The following CHSY3 variants were observed in gnomAD, a reference collection of about 807,000 sequenced individuals.
CHSY3 encodes the protein chondroitin sulfate synthase 3.
Under a neutral mutation model 67.2 loss-of-function variants are expected in CHSY3, and 35 were observed. The observed-to-expected ratio is 0.52, with a 90% confidence interval of 0.40 to 0.69. The LOEUF (loss-of-function observed/expected upper bound fraction) is 0.69, where lower values mean the gene tolerates loss of function less well. Among genes scored for constraint, CHSY3 ranks in the 30% least tolerant of loss-of-function variants. CHSY3 has a pLI of 0.00. For missense variants in CHSY3, 1,069 were observed against 1,138.5 expected, an observed-to-expected ratio of 0.94 and a Z score of 0.88; for synonymous variants, 474 against 434.7, an observed-to-expected ratio of 1.09 and a Z score of -1.12.
At chr5:129,916,909 A>G (rs956018498) in intron 2 of CHSY3, among the ~76,000 whole-genome samples, 1 of 152,076 alleles carries the variant, frequency 6.6e-6, no homozygotes, top group Non-Finnish European at 1.5e-5. Flanking sequence ...GTCATGAAAT[A>G]TCTCTAGTTG....
At chr5:129,968,249 A>T (rs1039523731) in intron 2 of CHSY3, among the ~76,000 whole-genome samples, 4 of 151,816 alleles carry the variant, frequency 2.6e-5, no homozygotes, top group Non-Finnish European at 4.4e-5. Context: ...ATGAACTTGC[A>T]ATTAACTTTA....
intron 2 of CHSY3, among the ~76,000 whole-genome samples, chr5:130,179,991 C>G (rs1331084195): frequency 6.6e-6 from 1 of 152,194 alleles, no homozygotes; most frequent in Non-Finnish European, 1.5e-5. Context: ...TTTTCTACTT[C>G]TCTGAAACCA....
chr5:130,059,595 T>A (rs1270834458), intron 2 of CHSY3, among the ~76,000 whole-genome samples: 1 of 152,132 alleles, frequency 6.6e-6, no homozygotes, highest in Non-Finnish European at 1.5e-5. Context: ...AAAAACTCTT[T>A]ATCTATCTGA....
chr5:130,140,660 G>T, intron 2 of CHSY3: 1 of 354,110 alleles, frequency 2.8e-6, no homozygotes, highest in Non-Finnish European at 5.1e-6. Flanking sequence ...TGTTTAGAAT[G>T]GAATCTCTGA....
intron 2 of CHSY3, among the ~76,000 whole-genome samples, chr5:130,053,403 G>T (rs1765428834): frequency 6.6e-6 from 1 of 152,088 alleles, no homozygotes; most frequent in South Asian, 2.1e-4. Context: ...TGAATTGGAG[G>T]TGGGAAGCCC....
At chr5:130,128,991 T>C (rs543150468) in intron 2 of CHSY3, among the ~76,000 whole-genome samples, 12 of 152,126 alleles carry the variant, frequency 7.9e-5, no homozygotes, top group South Asian at 4.2e-4. Flanking sequence ...GTTATGGCTA[T>C]TGTAGTTAGC....
intron 2 of CHSY3, among the ~76,000 whole-genome samples, chr5:130,167,932 C>G (rs533068857): frequency 3.3e-5 from 5 of 152,158 alleles, no homozygotes; most frequent in Admixed American, 1.3e-4. Flanking sequence ...AATCCAATAT[C>G]AGACTGGGAA....
chr5:130,099,191 G>A (rs181646241), intron 2 of CHSY3, among the ~76,000 whole-genome samples: 3 of 152,334 alleles, frequency 2.0e-5, no homozygotes, highest in Admixed American at 6.5e-5. Flanking sequence ...CTCTGCTAAT[G>A]TTTATTTGGT....
chr5:129,948,503 T>A (rs761872335), intron 2 of CHSY3, among the ~76,000 whole-genome samples: 3 of 152,244 alleles, frequency 2.0e-5, no homozygotes, highest in Non-Finnish European at 2.9e-5. Flanking sequence ...TCACTGTTAC[T>A]GTGAATGCCA....
intron 2 of CHSY3, among the ~76,000 whole-genome samples, chr5:129,993,406 A>G (rs1763429445): frequency 6.6e-6 from 1 of 152,248 alleles, no homozygotes; most frequent in African/African-American, 2.4e-5. Context: ...TATTGGGTGC[A>G]TATATATTTA....
At chr5:129,977,315 G>A (rs1464178168) in intron 2 of CHSY3, among the ~76,000 whole-genome samples, 1 of 152,098 alleles carries the variant, frequency 6.6e-6, no homozygotes, top group East Asian at 1.9e-4. Flanking sequence ...CTGATTAGCA[G>A]CACAATTATA....
chr5:130,169,881 C>T (rs888649863), intron 2 of CHSY3, among the ~76,000 whole-genome samples: 5 of 152,046 alleles, frequency 3.3e-5, no homozygotes, highest in South Asian at 2.1e-4. Flanking sequence ...TGACATCATA[C>T]ACTCATATTT....
chr5:129,970,709 A>C (rs1447261150), intron 2 of CHSY3, among the ~76,000 whole-genome samples: 2 of 151,752 alleles, frequency 1.3e-5, no homozygotes, highest in Non-Finnish European at 2.9e-5. Flanking sequence ...TAACTGCATA[A>C]TTTTTCTCAT....
chr5:130,160,621 G>C (rs1769502131), intron 2 of CHSY3, among the ~76,000 whole-genome samples: 1 of 152,182 alleles, frequency 6.6e-6, no homozygotes, highest in South Asian at 2.1e-4. Flanking sequence ...TATTCTCACA[G>C]AGGGGAAGAG....
chr5:130,036,171 T>G (rs1764857854), intron 2 of CHSY3, among the ~76,000 whole-genome samples: 1 of 152,104 alleles, frequency 6.6e-6, no homozygotes, highest in Non-Finnish European at 1.5e-5. Context: ...CTGTCTTTCC[T>G]GGACATGATA....
In CHSY3 at chr5:130,178,255, T is replaced by TATA. The variant is rs1580803415; in HGVS notation, c.1087-5974_1087-5973insATA. Among the ~76,000 whole-genome samples the TATA allele has an allele frequency of 2.9e-3, 106 of 36,150 alleles. 1 individual carries two copies. The highest frequency in any genetic ancestry group is 1.0e-2 in the East Asian group (11 of 1,104). 23.7% of individuals were successfully genotyped at this position (36,150 alleles called of 152,430 possible). ...TATATATATATATATATATATATAT[T>TATA]TTTTTTTTTTTTTTTCCTGAGACGG... On this transcript the variant is annotated intron_variant, in intron 2 of 2. Coordinates refer to ENST00000305031, the MANE Select transcript of CHSY3 (RefSeq NM_175856.5).
intron 2 of CHSY3, chr5:130,141,265 A>G (rs113107874): frequency 6.3e-5 from 29 of 457,076 alleles, no homozygotes; most frequent in African/African-American, 3.3e-4. Context: ...GTCCTCATTA[A>G]GCATAATCCC....
intron 2 of CHSY3, among the ~76,000 whole-genome samples, chr5:129,954,488 A>C (rs1405665621): frequency 2.0e-5 from 3 of 151,508 alleles, no homozygotes; most frequent in Non-Finnish European, 4.4e-5. Context: ...TCCATATGAA[A>C]TTTAAAGTAG....
intron 2 of CHSY3, among the ~76,000 whole-genome samples, chr5:130,083,679 C>T (rs1446502325): frequency 1.3e-5 from 2 of 151,952 alleles, no homozygotes; most frequent in Non-Finnish European, 2.9e-5. Flanking sequence ...AGCAAGCTTT[C>T]TCCAATGCGT....
Sources: gnomAD v4.1 joint callset for allele counts (sites outside exome capture counted in the v4.1 genomes callset) on GRCh38, gnomAD v4.1.1 for gene constraint, MANE v1.5 for transcripts, NCBI Gene and HGNC (gene_info 2026-07-23, HGNC 2026-07-21) for gene names.